The following RBM15 variants were observed in gnomAD, a reference collection of about 807,000 sequenced individuals.
RBM15 encodes the protein RNA-binding protein 15.
In RBM15, 8 loss-of-function variants were observed where a neutral mutation model predicts 62.6. The ratio of observed to expected loss-of-function variants is 0.13; its 90% CI spans 0.07 to 0.23. RBM15 has a LOEUF of 0.23. RBM15 is among the 10% of genes least tolerant of loss of function. The probability of loss-of-function intolerance (pLI) is 1.00; values close to 1 mark genes in which losing one functional copy is unlikely to be tolerated. For synonymous variants in RBM15, 606 were observed against 505.7 expected, an observed-to-expected ratio of 1.20 and a Z score of -2.66; for missense variants, 1,144 against 1,286.5, an observed-to-expected ratio of 0.89 and a Z score of 1.69.
At chr1:110,342,332 G>A in intron 1 of RBM15, 64 bp downstream of exon 1, 6 of 1,332,668 alleles carry the variant, frequency 4.5e-6, no homozygotes, top group Non-Finnish European at 6.2e-6. Flanking sequence ...GTTTTGTGAT[G>A]TGTAATGGGA....
rs747994002 is a variant in RBM15, at chr1:110,346,281, T to G, written c.*41-27T>G. The G allele has an allele frequency of 5.6e-6, 9 of 1,595,504 alleles. No homozygotes were observed. In the African/African-American group the frequency reaches 1.1e-4, roughly 19 times the overall value. ...TAATATTGTAAACATTTGTACTGAA[T>G]AACCTTTTTTTCCCCCCCTCCGCAA... On this transcript the variant is annotated intron_variant, in intron 2 of 2. Coordinates refer to ENST00000369784, the MANE Select transcript of RBM15 (RefSeq NM_022768.5).
At position 110,346,652 on chromosome 1, in the gene RBM15, A is replaced by G. The variant is rs1317464461; in HGVS notation, c.*385A>G. On this transcript the variant is annotated 3_prime_UTR_variant, in exon 3 of 3. Transcript: ENST00000369784. ...AGTTGAGCTGCTTTTGTTTTATTCT[A>G]AATAAATTGTTTCTTTTGAGGAAAA... 3 of 379,650 alleles carry G rather than the reference A, an allele frequency of 7.9e-6. No homozygotes were observed. The highest frequency in any genetic ancestry group is 1.4e-5 in the Non-Finnish European group (3 of 211,980). 23.5% of individuals were successfully genotyped at this position (379,650 alleles called of 1,614,324 possible).
Position 110,339,632 on chromosome 1 carries a change from G to C in RBM15, c.227G>C (p.Gly76Ala), listed in dbSNP as rs1396388300. ...SRGERSKKLG[G>A]SGGSNGSSSG... The stretch of plus-strand genomic sequence containing the variant: ...GGTGAGCGGAGCAAGAAGTTAGGGG[G>C]CTCTGGTGGCAGCAATGGGAGCAGC... The change falls in exon 1 of 3, where the codon GGC becomes GCC. Residue 76 changes from glycine (G) to alanine (A), a missense_variant. Physicochemically the swap from Gly to Ala is moderately conservative, Grantham distance 60. This residue lies in a region of RBM15 where 298 missense variants were observed against 250.0 expected (regional missense o/e 1.19). Transcript: ENST00000369784. 1.2e-6 allele frequency: 2 copies of C among 1,613,372 alleles called. No homozygotes were observed. The highest frequency in any genetic ancestry group is 1.1e-5 in the South Asian group (1 of 91,072).
intron 2 of RBM15, 42 bp from the exon 3 acceptor site, chr1:110,346,266 A>G (rs778977909): frequency 6.4e-7 from 1 of 1,573,108 alleles, no homozygotes; most frequent in African/African-American, 1.3e-5. Flanking sequence ...TAATATTGTA[A>G]ACATTTGTAC....
At position 110,339,554 on chromosome 1, in the gene RBM15, G is replaced by T; in HGVS notation, c.149G>T (p.Arg50Leu). 6.2e-7 allele frequency: 1 copy of T among 1,605,150 alleles called. No homozygotes were observed. Among genetic ancestry groups the T allele is most frequent in the Non-Finnish European group, 8.5e-7 (1 of 1,173,506 alleles). ...CCCGCAACAATGAAGGGAAAAGAGC[G>T]CTCGCCAGTGAAGGCCAAACGCTCC... ...RRPATMKGKE[R>L]SPVKAKRSRG... is the part of the protein sequence containing the mutation. Residue 50 changes from arginine (R) to leucine (L), a missense_variant, in exon 1 of 3, where the codon CGC becomes CTC. Transcript: ENST00000369784.
chr1:110,346,397 A>T lies in RBM15; in HGVS notation c.*130A>T, dbSNP rs530637351. 2.3e-5 allele frequency: 35 copies of T among 1,550,920 alleles called. 1 individual carries two copies. In the African/African-American group the frequency reaches 3.1e-4, roughly 14 times the overall value. On this transcript the variant is annotated 3_prime_UTR_variant, in exon 3 of 3. Transcript: ENST00000369784. ...AAGTTGTGGCTTATGTGGAGTTTACATGGGCCTCTGATGGAAGAAAGCTAA... is the reference window on the plus strand; with the variant it reads ...AAGTTGTGGCTTATGTGGAGTTTACTTGGGCCTCTGATGGAAGAAAGCTAA...
At position 110,341,782 on chromosome 1, in the gene RBM15, C is replaced by T. The variant is rs766032995; in HGVS notation, c.2377C>T (p.Leu793=). The change falls in exon 1 of 3, where the codon CTA becomes TTA. Residue 793 remains leucine, a synonymous_variant. Coordinates refer to ENST00000369784, the MANE Select transcript of RBM15 (RefSeq NM_022768.5). The surrounding 1 kb of genome is among the most constrained non-coding windows in gnomAD (Gnocchi z 4.5). ...CTGTTTGGCCTGGCAGGGCATGCTT[C>T]TACTGAAGAACAGCAACTTTCCTTC... ...KLCLAWQGML[L]LKNSNFPSNM... 14 of 1,614,080 alleles carry T rather than the reference C, an allele frequency of 8.7e-6. No homozygotes were observed. In the East Asian group the frequency reaches 3.1e-4, roughly 36 times the overall value.
intron 1 of RBM15, among the ~76,000 whole-genome samples, chr1:110,344,214 C>T (rs1192388995): frequency 1.3e-5 from 2 of 152,120 alleles, no homozygotes. Context: ...TACGTGGGCT[C>T]ATAGTATAAT....
At position 110,340,983 on chromosome 1, in the gene RBM15, T is replaced by C. The variant is rs1438773990; in HGVS notation, c.1578T>C (p.Phe526=). Residue 526 remains phenylalanine, a synonymous_variant, in exon 1 of 3, where the codon TTT becomes TTC. Coordinates refer to ENST00000369784, the MANE Select transcript of RBM15 (RefSeq NM_022768.5). This position sits in a 1 kb window ranked among gnomAD's most constrained non-coding sequence, Gnocchi z 5.8. ...GGPDRRLRVD[F]ADTEHRYQQQ... ...CAGATCGACGCCTTAGAGTAGACTT[T>C]GCCGACACCGAACATCGTTACCAGC... 2 of 1,614,100 alleles carry C rather than the reference T, an allele frequency of 1.2e-6. No homozygotes were observed. The highest frequency in any genetic ancestry group is 2.7e-5 in the African/African-American group (2 of 74,944).
chr1:110,346,522 C>T lies in RBM15; in HGVS notation c.*255C>T, dbSNP rs1235117771. On this transcript the variant is annotated 3_prime_UTR_variant, in exon 3 of 3. Coordinates refer to ENST00000369784, the MANE Select transcript of RBM15 (RefSeq NM_022768.5). ...GTGTTTTAAGTGGAAAAAAAATGACCTCTTTGATTTGTGCTGTGTACACAA... is the reference window on the plus strand; with the variant it reads ...GTGTTTTAAGTGGAAAAAAAATGACTTCTTTGATTTGTGCTGTGTACACAA... The T allele has an allele frequency of 1.5e-6, 1 of 683,898 alleles. No homozygotes were observed. The highest frequency in any genetic ancestry group is 2.5e-6 in the Non-Finnish European group (1 of 395,842). The allele number at this position is 683,898 out of a possible 1,614,324, so 42.4% of individuals were successfully genotyped here.
At position 110,340,406 on chromosome 1, in the gene RBM15, C is replaced by T. The variant is rs374454065; in HGVS notation, c.1001C>T (p.Pro334Leu). 1 of 1,614,188 alleles carries T rather than the reference C, an allele frequency of 6.2e-7. No homozygotes were observed. Among genetic ancestry groups the T allele is most frequent in the Non-Finnish European group, 8.5e-7 (1 of 1,180,040 alleles). ...GACCTGGAGAGAGAAAGAGACTACC[C>T]GTTCTATGAGAGAGTGCGCCCTGCA... ...PRDLERERDYPFYERVRPAYS... is the reference protein window; with the variant it reads ...PRDLERERDYLFYERVRPAYS... The change falls in exon 1 of 3, where the codon CCG (proline) becomes CTG (leucine). Residue 334 changes from proline to leucine, a missense_variant. Around this residue, in one of 8 missense-constraint regions of RBM15, gnomAD observed 188 missense variants for 185.6 expected, o/e 1.01. Coordinates refer to ENST00000369784, the MANE Select transcript of RBM15 (RefSeq NM_022768.5). This position sits in a 1 kb window ranked among gnomAD's most constrained non-coding sequence, Gnocchi z 5.8.
Position 110,340,739 on chromosome 1 carries a change from A to G in RBM15, c.1334A>G (p.Lys445Arg). Residue 445 changes from lysine (K) to arginine (R), a missense_variant, in exon 1 of 3, where the codon AAA becomes AGA. Physicochemically the swap from Lys to Arg is conservative, Grantham distance 26. Coordinates refer to ENST00000369784, the MANE Select transcript of RBM15 (RefSeq NM_022768.5). The surrounding 1 kb of genome is among the most constrained non-coding windows in gnomAD (Gnocchi z 5.8). ...AAAATTATAATTCGGAATCCTATCA[A>G]AATTGGTTATGGTAAAGCTACACCC... ...SGKIIIRNPI[K>R]IGYGKATPTT... The G allele has an allele frequency of 1.2e-6, 2 of 1,614,118 alleles. No individual in the cohort carries two copies. Among genetic ancestry groups the G allele is most frequent in the Non-Finnish European group, 1.7e-6 (2 of 1,180,030 alleles).
chr1:110,341,711 A>G lies in RBM15; in HGVS notation c.2306A>G (p.Lys769Arg), dbSNP rs771747714. ...TCCAAGCTGAAGTCCCCGTCCCAGA[A>G]ACAGGATGGGGGGACAGCCCCTGTG... The part of the protein sequence containing the change: ...ASSKLKSPSQ[K>R]QDGGTAPVAS... The change falls in exon 1 of 3, where the codon AAA (lysine) becomes AGA (arginine). Residue 769 changes from lysine (K) to arginine (R), a missense_variant. By Grantham distance (26) the Lys-to-Arg change is conservative. Coordinates refer to ENST00000369784, the MANE Select transcript of RBM15 (RefSeq NM_022768.5). The surrounding 1 kb of genome is among the most constrained non-coding windows in gnomAD (Gnocchi z 4.5). 1.9e-5 allele frequency: 31 copies of G among 1,614,058 alleles called. No individual in the cohort carries two copies. The highest frequency in any genetic ancestry group is 3.4e-6 in the Non-Finnish European group (4 of 1,180,032).
At position 110,346,361 on chromosome 1, in the gene RBM15, T is replaced by A; in HGVS notation, c.*94T>A. 1.3e-6 allele frequency: 2 copies of A among 1,597,654 alleles called. No homozygotes were observed. The highest frequency in any genetic ancestry group is 2.2e-5 in the South Asian group (2 of 91,046). ...ATGGAATTCAAAGCTCTAATGGACC[T>A]TTTTGAAGAGAAGTTGTGGCTTATG... On this transcript the variant is annotated 3_prime_UTR_variant, in exon 3 of 3. Coordinates refer to ENST00000369784, the MANE Select transcript of RBM15 (RefSeq NM_022768.5).
intron 1 of RBM15, among the ~76,000 whole-genome samples, chr1:110,345,260 A>T (rs1488477561): frequency 6.6e-6 from 1 of 152,320 alleles, no homozygotes; most frequent in Non-Finnish European, 1.5e-5. Context: ...TATTGCTTTC[A>T]GAGTCAGACA....
rs553807881 is a variant in RBM15, at chr1:110,342,036, A to G, written c.2631A>G (p.Ala877=). 2 of 1,614,262 alleles carry G rather than the reference A, an allele frequency of 1.2e-6. No homozygotes were observed. Among genetic ancestry groups the G allele is most frequent in the East Asian group, 2.2e-5 (1 of 44,888 alleles). ...SDSRSSSSSA[A]SDTATSTQRP... ...GCCGGTCCTCCTCTTCCTCAGCTGC[A>G]TCAGACACTGCCACTTCTACTCAGA... The change falls in exon 1 of 3, where the codon GCA becomes GCG. Residue 877 remains alanine, a synonymous_variant. Coordinates refer to ENST00000369784, the MANE Select transcript of RBM15 (RefSeq NM_022768.5).
rs1284478573 is a variant in RBM15, at chr1:110,339,472, T to C, written c.67T>C (p.Cys23Arg). 1.9e-6 allele frequency: 3 copies of C among 1,567,128 alleles called. No individual in the cohort carries two copies. The East Asian group carries it at 6.8e-5, about 35-fold the overall frequency. Reference protein sequence around the residue: ...SPRWRRAVPLCETSAGRRVTQ... With the variant: ...SPRWRRAVPLRETSAGRRVTQ... ...AAGATGGCGGCGTGCGGTTCCGCTG[T>C]GTGAAACGAGCGCGGGGCGGCGGGT... The change falls in exon 1 of 3, where the codon TGT becomes CGT. Residue 23 changes from cysteine (C) to arginine (R), a missense_variant. Physicochemically the swap from Cys to Arg is radical, Grantham distance 180 (BLOSUM62 -3). Around this residue, in one of 8 missense-constraint regions of RBM15, gnomAD observed 298 missense variants for 250.0 expected, o/e 1.19. Transcript: ENST00000369784.
rs375914380 is a variant in RBM15 at position 110,339,558 on chromosome 1, G to T, written c.153G>T (p.Ser51=). ...CAACAATGAAGGGAAAAGAGCGCTC[G>T]CCAGTGAAGGCCAAACGCTCCCGTG... ...RPATMKGKER[S]PVKAKRSRGG... The change falls in exon 1 of 3, where the codon TCG becomes TCT. Residue 51 remains serine (S), a synonymous_variant. Coordinates refer to ENST00000369784, the MANE Select transcript of RBM15 (RefSeq NM_022768.5). 6.2e-7 allele frequency: 1 copy of T among 1,604,788 alleles called. No individual in the cohort carries two copies. Among genetic ancestry groups the T allele is most frequent in the Non-Finnish European group, 8.5e-7 (1 of 1,173,076 alleles).
At position 110,340,975 on chromosome 1, in the gene RBM15, G is replaced by A; in HGVS notation, c.1570G>A (p.Val524Ile). ...PLGGPDRRLR[V>I]DFADTEHRYQ... ...TGGTGGCCCAGATCGACGCCTTAGA[G>A]TAGACTTTGCCGACACCGAACATCG... The change falls in exon 1 of 3, where the codon GTA (valine) becomes ATA (isoleucine). Residue 524 changes from valine (V) to isoleucine (I), a missense_variant. Coordinates refer to ENST00000369784, the MANE Select transcript of RBM15 (RefSeq NM_022768.5). The surrounding 1 kb of genome is among the most constrained non-coding windows in gnomAD (Gnocchi z 5.8). 6.2e-7 allele frequency: 1 copy of A among 1,614,208 alleles called. No homozygotes were observed. The highest frequency in any genetic ancestry group is 1.1e-5 in the South Asian group (1 of 91,088).
Sources: allele counts gnomAD v4.1 joint callset (sites outside exome capture counted in the v4.1 genomes callset), GRCh38; gene constraint gnomAD v4.1.1; regional missense constraint gnomAD v4.1.1; non-coding constraint Gnocchi (gnomAD v3.1); transcripts MANE v1.5; gene names NCBI Gene and HGNC (gene_info 2026-07-23, HGNC 2026-07-21).